SLC41A2: variants seen among roughly 807,000 people sequenced by gnomAD.
The protein encoded by SLC41A2 is SLC41A1-like 1.
In SLC41A2, 32 loss-of-function variants were observed where a neutral mutation model predicts 58.3. That is an observed-to-expected ratio of 0.55 (90% CI 0.41 to 0.74). SLC41A2 has a LOEUF of 0.74. Ranked by LOEUF, SLC41A2 falls within the 30% of genes least tolerant of loss-of-function variation. The pLI, the probability that SLC41A2 is intolerant of heterozygous loss-of-function variation, is 0.00. For missense variants in SLC41A2, 514 were observed against 680.6 expected, an observed-to-expected ratio of 0.76 and a Z score of 2.72; for synonymous variants, 190 against 235.0, an observed-to-expected ratio of 0.81 and a Z score of 1.75.
At chr12:104,946,574 CAGGCACATTTTAA>C (rs1309620635) in intron 1 of SLC41A2, among the ~76,000 whole-genome samples, 1 of 152,166 alleles carries the variant, frequency 6.6e-6, no homozygotes, top group East Asian at 1.9e-4. Context: ...ACATCTGGCC[CAGGCACATTTTAA>C]AAGGAGAATA....
chr12:104,947,142 A>G (rs909229327), intron 1 of SLC41A2, among the ~76,000 whole-genome samples: 2 of 151,470 alleles, frequency 1.3e-5, no homozygotes, highest in Non-Finnish European at 2.9e-5. Context: ...ATGTCATACA[A>G]TCACAAAAAT....
chr12:104,903,019 G>T (rs2045632194), intron 3 of SLC41A2, among the ~76,000 whole-genome samples: 1 of 152,134 alleles, frequency 6.6e-6, no homozygotes. Flanking sequence ...CTACTAATTT[G>T]CTTGCTTTTA....
At chr12:104,805,387 C>A in intron 10 of SLC41A2, 50 bp from the exon 11 acceptor site, 1 of 1,511,100 alleles carries the variant, frequency 6.6e-7, no homozygotes, top group African/African-American at 1.4e-5. Context: ...ATTCCTAGCC[C>A]ATGAAACATG....
At chr12:104,865,716 G>A (rs758125999) in intron 7 of SLC41A2, among the ~76,000 whole-genome samples, 8 of 152,016 alleles carry the variant, frequency 5.3e-5, no homozygotes, top group Admixed American at 1.3e-4. Context: ...GAAAAGAAAC[G>A]TTTCTTAATC....
At chr12:104,834,857 C>T (rs7962610) in intron 10 of SLC41A2, among the ~76,000 whole-genome samples, 2,830 of 152,238 alleles carry the variant, frequency 0.019, 82 homozygotes, top group African/African-American at 0.065. Context: ...TGCTCAGCTA[C>T]TGGGTAGTTA....
intron 2 of SLC41A2, among the ~76,000 whole-genome samples, chr12:104,919,774 G>A (rs1002165549): frequency 7.9e-5 from 12 of 152,178 alleles, no homozygotes; most frequent in African/African-American, 2.9e-4. Context: ...CCACTCTGTA[G>A]CTTGTCTTTT....
intron 5 of SLC41A2, among the ~76,000 whole-genome samples, chr12:104,887,371 C>A (rs370380324): frequency 6.6e-6 from 1 of 151,790 alleles, no homozygotes; most frequent in East Asian, 1.9e-4. Context: ...GGCTTAAATT[C>A]TTGCCTAAAG....
intron 10 of SLC41A2, among the ~76,000 whole-genome samples, chr12:104,807,419 G>T (rs567311681): frequency 6.6e-6 from 1 of 152,110 alleles, no homozygotes; most frequent in Non-Finnish European, 1.5e-5. Context: ...TGTTCCATTG[G>T]TCTATATCTC....
At chr12:104,946,741 CG>C (rs2047733098) in intron 1 of SLC41A2, among the ~76,000 whole-genome samples, 1 of 152,124 alleles carries the variant, frequency 6.6e-6, no homozygotes, top group African/African-American at 2.4e-5. Context: ...GTGATTTTTA[CG>C]GGGGAATTTC....
chr12:104,950,720 TC>T (rs2047920316), intron 1 of SLC41A2, among the ~76,000 whole-genome samples: 1 of 152,104 alleles, frequency 6.6e-6, no homozygotes, highest in African/African-American at 2.4e-5. Context: ...CTATGTGAAA[TC>T]CCAATATATA....
intron 7 of SLC41A2, among the ~76,000 whole-genome samples, chr12:104,864,585 T>G (rs920191297): frequency 6.6e-6 from 1 of 152,124 alleles, no homozygotes; most frequent in Non-Finnish European, 1.5e-5. Flanking sequence ...CTCATGTTTT[T>G]CAGTTCTGGG....
At chr12:104,917,546 T>C (rs1017824840) in intron 2 of SLC41A2, among the ~76,000 whole-genome samples, 1 of 151,636 alleles carries the variant, frequency 6.6e-6, no homozygotes, top group Non-Finnish European at 1.5e-5. Flanking sequence ...TGCGGCACTA[T>C]TCACAATAGC....
intron 3 of SLC41A2, among the ~76,000 whole-genome samples, chr12:104,906,296 A>G (rs2045846490): frequency 6.6e-6 from 1 of 152,172 alleles, no homozygotes; most frequent in Admixed American, 6.5e-5. Context: ...ATCTCAAGTT[A>G]GTGTTCCTGA....
Position 104,900,825 on chromosome 12 carries a change from T to C in SLC41A2, c.664-5480A>G, listed in dbSNP as rs138989368. 9.2e-5 allele frequency among the ~76,000 whole-genome samples: 14 copies of C among 152,332 alleles called. No individual in the cohort carries two copies. The South Asian group carries it at 2.9e-3, about 32-fold the overall frequency. On this transcript the variant is annotated intron_variant, in intron 3 of 10. Transcript: ENST00000258538. Reference sequence around the variant, plus strand: ...ATTAATATAATTATCTAGGTTTTAATTTGACTTTATTTTAGAACTTTTAGA... The same window carrying C: ...ATTAATATAATTATCTAGGTTTTAACTTGACTTTATTTTAGAACTTTTAGA...
intron 8 of SLC41A2, among the ~76,000 whole-genome samples, chr12:104,853,926 T>TTATTTTTTTTA (rs2042916495): frequency 8.4e-6 from 1 of 118,850 alleles, no homozygotes; most frequent in African/African-American, 3.1e-5. Context: ...TTTTTTTTTT[T>TTATTTTTTTTA]TTTTTTTTTT....
At chr12:104,856,006 G>A (rs1565844893) in intron 8 of SLC41A2, among the ~76,000 whole-genome samples, 1 of 152,194 alleles carries the variant, frequency 6.6e-6, no homozygotes, top group Non-Finnish European at 1.5e-5. Context: ...GTATGACAAG[G>A]ACAAGTTGTT....
At chr12:104,934,065 TA>T (rs11336098) in intron 1 of SLC41A2, among the ~76,000 whole-genome samples, 14,822 of 145,664 alleles carry the variant, frequency 0.1, 1,111 homozygotes, top group East Asian at 0.26. Context: ...ATAAAGCTAC[TA>T]AAAAAAAAAA....
chr12:104,857,716 G>A (rs1229123582), intron 8 of SLC41A2, among the ~76,000 whole-genome samples: 1 of 151,968 alleles, frequency 6.6e-6, no homozygotes, highest in Non-Finnish European at 1.5e-5. Flanking sequence ...GGACATGGAT[G>A]AAGCTGGAAA....
chr12:104,899,818 G>T (rs921094253), intron 3 of SLC41A2, among the ~76,000 whole-genome samples: 2 of 152,154 alleles, frequency 1.3e-5, no homozygotes, highest in African/African-American at 4.8e-5. Flanking sequence ...AACAAACACA[G>T]AAATCTTAAC....
Sources: allele counts gnomAD v4.1 joint callset (sites outside exome capture counted in the v4.1 genomes callset), GRCh38; gene constraint gnomAD v4.1.1; transcripts MANE v1.5; gene names NCBI Gene and HGNC (gene_info 2026-07-23, HGNC 2026-07-21).